The following TRIM49 variants were observed in gnomAD, a reference collection of about 807,000 sequenced individuals.
TRIM49 encodes the protein tripartite motif-containing protein 49.
A neutral mutation model predicts 27.4 loss-of-function variants in TRIM49; 5 were observed. That is an observed-to-expected ratio of 0.18 (90% CI 0.10 to 0.38). TRIM49 has a LOEUF of 0.38. TRIM49 is among the 10% of genes least tolerant of loss of function. The pLI, the probability that TRIM49 is intolerant of heterozygous loss-of-function variation, is 1.00. For synonymous variants in TRIM49, 69 were observed against 166.0 expected, an observed-to-expected ratio of 0.42 and a Z score of 4.49; for missense variants, 188 against 487.5, an observed-to-expected ratio of 0.39 and a Z score of 5.79.
chr11:89,804,243 A>G lies in TRIM49; in HGVS notation c.227T>C (p.Leu76Pro). Residue 76 changes from leucine (L) to proline (P), a missense_variant, in exon 3 of 8, where the codon CTT (leucine) becomes CCT (proline). By Grantham distance (98) the Leu-to-Pro change is moderately conservative (BLOSUM62 -3). Coordinates refer to ENST00000329758, the MANE Select transcript of TRIM49 (RefSeq NM_020358.2). The stretch of plus-strand genomic sequence containing the variant: ...TAGCCAGAGACTGACTTTTCTGGCA[A>G]GAGAAGCCATCTTCTTCAAATGAAT... The part of the protein sequence containing the change: ...TNIHLKKMAS[L>P]ARKVSLWLFL... The G allele has an allele frequency of 6.2e-7, 1 of 1,611,334 alleles. No homozygotes were observed. Among genetic ancestry groups the G allele is most frequent in the Non-Finnish European group, 8.5e-7 (1 of 1,179,170 alleles).
At chr11:89,768,087 T>G in the TRIM49 span, 4 of 646,608 alleles carry the variant, frequency 6.2e-6, no homozygotes, top group South Asian at 6.7e-5. Context: ...CACAGACTAT[T>G]CTCTTGTTCT....
rs1373111237 is a variant in TRIM49 at position 89,798,473 on chromosome 11, C to T, written c.1016G>A (p.Gly339Asp). The change falls in exon 8 of 8, where the codon GGC becomes GAC. Residue 339 changes from glycine (G) to aspartate (D), a missense_variant. Coordinates refer to ENST00000329758, the MANE Select transcript of TRIM49 (RefSeq NM_020358.2). ...LAWGVQTFTS[G>D]KYYWEVHVGD... ...TACATGGACCTCCCAGTAATATTTG[C>T]CCGAGGTGAAAGTCTGAACACCCCA... 2.5e-6 allele frequency: 4 copies of T among 1,592,996 alleles called. No individual in the cohort carries two copies. In the East Asian group the frequency reaches 9.2e-5, roughly 37 times the overall value.
At chr11:89,790,873 C>G in the TRIM49 span, among the ~76,000 whole-genome samples, 1 of 152,144 alleles carries the variant, frequency 6.6e-6, no homozygotes, top group Non-Finnish European at 1.5e-5. Flanking sequence ...CAGATCCTCA[C>G]CAGCAATGGA....
chr11:89,766,620 C>T, the TRIM49 span: 1 of 1,168,844 alleles, frequency 8.6e-7, no homozygotes. Flanking sequence ...AAAGAAAGAC[C>T]TGACAGGAAA....
chr11:89,768,221 G>T, the TRIM49 span: 1 of 1,453,906 alleles, frequency 6.9e-7, no homozygotes, highest in Non-Finnish European at 9.3e-7. Flanking sequence ...CACCGGTCCT[G>T]TGATGGGCCC....
chr11:89,776,649 A>G, the TRIM49 span, among the ~76,000 whole-genome samples: 1 of 151,550 alleles, frequency 6.6e-6, no homozygotes, highest in Admixed American at 6.6e-5. Context: ...AGGCATTCAA[A>G]GTAATCTAGA....
chr11:89,767,868 C>G, the TRIM49 span, among the ~76,000 whole-genome samples: 1 of 135,334 alleles, frequency 7.4e-6, no homozygotes, highest in Non-Finnish European at 1.5e-5. Context: ...TTGAAACGTC[C>G]TGAATTAATT....
intron 4 of TRIM49, among the ~76,000 whole-genome samples, 184 bp downstream of exon 4, chr11:89,803,514 A>C (rs1292351562): frequency 6.6e-6 from 1 of 151,344 alleles, no homozygotes; most frequent in Non-Finnish European, 1.5e-5. Flanking sequence ...TTTCTTAGAA[A>C]TCCTACCTAA....
chr11:89,802,953 A>G (rs1473855709), intron 4 of TRIM49, among the ~76,000 whole-genome samples: 2 of 150,120 alleles, frequency 1.3e-5, no homozygotes, highest in Admixed American at 6.6e-5. Context: ...TTACTAGTAT[A>G]TTTTCTAATT....
At chr11:89,783,500 T>C in the TRIM49 span, among the ~76,000 whole-genome samples, 1 of 118,532 alleles carries the variant, frequency 8.4e-6, no homozygotes, top group Non-Finnish European at 1.7e-5. Context: ...ATAATTTTTA[T>C]AGGGTTGATT....
At chr11:89,804,732 C>A (rs1288039959) in intron 2 of TRIM49, among the ~76,000 whole-genome samples, 2 of 151,386 alleles carry the variant, frequency 1.3e-5, no homozygotes, top group Admixed American at 6.6e-5. Context: ...ACCTATTCAA[C>A]TACCCATTTT....
chr11:89,778,366 A>AG, the TRIM49 span, among the ~76,000 whole-genome samples: 1 of 150,710 alleles, frequency 6.6e-6, no homozygotes, highest in Admixed American at 6.6e-5. Flanking sequence ...GTAAAAAAAA[A>AG]CTGCATAATA....
At chr11:89,768,496 T>G in the TRIM49 span, among the ~76,000 whole-genome samples, 2 of 131,130 alleles carry the variant, frequency 1.5e-5, no homozygotes, top group African/African-American at 7.5e-5. Context: ...CTCTCCCTAT[T>G]TGCCACCAAA....
the TRIM49 span, among the ~76,000 whole-genome samples, chr11:89,792,595 C>A: frequency 1.3e-5 from 2 of 152,224 alleles, no homozygotes; most frequent in African/African-American, 4.8e-5. Context: ...GAAACTCACT[C>A]AAAACCGCTC....
the TRIM49 span, among the ~76,000 whole-genome samples, chr11:89,785,108 T>C: frequency 6.8e-6 from 1 of 147,538 alleles, no homozygotes. Context: ...TTACAGATTT[T>C]TTATGGAGGC....
chr11:89,793,532 G>T (rs890783137), downstream of TRIM49, among the ~76,000 whole-genome samples: 5 of 152,114 alleles, frequency 3.3e-5, no homozygotes, highest in Admixed American at 1.3e-4. Context: ...AAGCTTATCC[G>T]CCAAGAGCAA....
chr11:89,794,629 C>T (rs1284851102), downstream of TRIM49, among the ~76,000 whole-genome samples: 19 of 147,154 alleles, frequency 1.3e-4, no homozygotes, highest in East Asian at 4.1e-3. Flanking sequence ...CAAAAACAAG[C>T]AATGGGGAAA....
intron 2 of TRIM49, among the ~76,000 whole-genome samples, chr11:89,805,146 A>C: frequency 6.6e-6 from 1 of 151,886 alleles, no homozygotes; most frequent in East Asian, 1.9e-4. Flanking sequence ...GGGAAAAGAA[A>C]AATTATTAAA....
rs1184191166 is a variant in TRIM49 at position 89,802,166 on chromosome 11, C to CA, written c.508-235dup. Among the ~76,000 whole-genome samples, 816 of 132,378 alleles carry CA rather than the reference C, an allele frequency of 6.2e-3. 7 individuals are homozygous for CA. Among genetic ancestry groups the CA allele is most frequent in the African/African-American group, 0.022 (711 of 32,530 alleles). The allele number at this position is 132,378 out of a possible 152,430, so 86.8% of individuals were successfully genotyped here. ...ATGTGTTTTCTAAGATAGTTGAAAA[C>CA]AAAAAAACACAATTTGAATTTCTCT... On this transcript the variant is annotated intron_variant, in intron 4 of 7. Transcript: ENST00000329758.
Sources: allele counts gnomAD v4.1 joint callset (sites outside exome capture counted in the v4.1 genomes callset), GRCh38; gene constraint gnomAD v4.1.1; transcripts MANE v1.5; gene names NCBI Gene and HGNC (gene_info 2026-07-23, HGNC 2026-07-21).